The following UBE2T variants were observed in gnomAD, a reference collection of about 807,000 sequenced individuals.
UBE2T encodes the protein ubiquitin conjugating enzyme E2 T.
A neutral mutation model predicts 23.3 loss-of-function variants in UBE2T; 15 were observed. The ratio of observed to expected loss-of-function variants is 0.64; its 90% CI spans 0.43 to 0.99. UBE2T has a LOEUF of 0.99. Among genes scored for constraint, UBE2T ranks in the 50% least tolerant of loss-of-function variants. The pLI, the probability that UBE2T is intolerant of heterozygous loss-of-function variation, is 0.00. For missense variants in UBE2T, 197 were observed against 234.9 expected, an observed-to-expected ratio of 0.84 and a Z score of 1.05; for synonymous variants, 67 against 78.4, an observed-to-expected ratio of 0.85 and a Z score of 0.77.
At chr1:202,333,402 A>G in intron 4 of UBE2T, 48 bp downstream of exon 4, 1 of 1,613,222 alleles carries the variant, frequency 6.2e-7, no homozygotes. Flanking sequence ...AGTTTAATAG[A>G]TGAAGAAAAC....
intron 1 of UBE2T, 95 bp downstream of exon 1, chr1:202,341,800 T>A (rs1655013529): frequency 1.3e-5 from 2 of 152,152 alleles, no homozygotes; most frequent in Non-Finnish European, 2.9e-5. Flanking sequence ...AACTCCCATA[T>A]TAGGCGGAAA....
chr1:202,333,417 T>G, intron 4 of UBE2T, 33 bp downstream of exon 4: 1 of 1,613,298 alleles, frequency 6.2e-7, no homozygotes, highest in Non-Finnish European at 8.5e-7. Flanking sequence ...GAAAACAGAA[T>G]GCTGTAGAGT....
At chr1:202,332,358 T>C (rs1654770093) in intron 6 of UBE2T, among the ~76,000 whole-genome samples, 1 of 152,170 alleles carries the variant, frequency 6.6e-6, no homozygotes, top group Admixed American at 6.5e-5. Flanking sequence ...TATAGATTCT[T>C]CTCAGTGTTA....
At chr1:202,332,005 C>A in intron 6 of UBE2T, 45 bp from the exon 7 acceptor site, 1 of 1,594,268 alleles carries the variant, frequency 6.3e-7, no homozygotes, top group Non-Finnish European at 8.5e-7. Context: ...CACACAAATG[C>A]CAGGATGGAG....
At position 202,331,904 on chromosome 1, in the gene UBE2T, G is replaced by A. The variant is rs773313949; in HGVS notation, c.525C>T (p.His175=). ...TGGCCTTCCTTTTCTGTGTTGAGTT[G>A]TGTACTCTGGAGTCACCAGCCTCTG... ...NLPEAGDSRV[H]NSTQKRKASQ... Residue 175 remains histidine (H), a synonymous_variant, in exon 7 of 7, where the codon CAC becomes CAT. Transcript: ENST00000646651. 3.1e-6 allele frequency: 5 copies of A among 1,614,056 alleles called. No individual in the cohort carries two copies. The highest frequency in any genetic ancestry group is 4.2e-6 in the Non-Finnish European group (5 of 1,179,990).
intron 3 of UBE2T, among the ~76,000 whole-genome samples, chr1:202,333,870 T>C (rs1196632069): frequency 1.3e-5 from 2 of 152,096 alleles, no homozygotes; most frequent in Admixed American, 6.5e-5. Flanking sequence ...CTTTGAAAAA[T>C]TTAAGAACTA....
intron 1 of UBE2T, among the ~76,000 whole-genome samples, chr1:202,339,980 C>G (rs10753914): frequency 0.44 from 66,362 of 151,692 alleles, 15,806 homozygotes; most frequent in East Asian, 0.7. Context: ...GAGGCTGAGG[C>G]AGGTGGATCA....
chr1:202,339,077 C>CTTTTTTTTTTTTTTTTTTTTTTTTTTTTT (rs35528865), intron 1 of UBE2T, among the ~76,000 whole-genome samples: 1 of 107,854 alleles, frequency 9.3e-6, no homozygotes, highest in Non-Finnish European at 1.8e-5. Context: ...GTATTGCCTC[C>CTTTTTTTTTTTTTTTTTTTTTTTTTTTTT]TTTTTTTTTT....
chr1:202,338,001 A>C (rs968773095), intron 1 of UBE2T, among the ~76,000 whole-genome samples: 1 of 152,186 alleles, frequency 6.6e-6, no homozygotes, highest in Non-Finnish European at 1.5e-5. Flanking sequence ...GCTATAGATC[A>C]ATTTGGAGAT....
intron 6 of UBE2T, among the ~76,000 whole-genome samples, chr1:202,332,726 G>A (rs1654780413): frequency 1.3e-5 from 2 of 150,238 alleles, no homozygotes; most frequent in African/African-American, 4.9e-5. Flanking sequence ...GGCTAAAACG[G>A]TGAAACCCCG....
chr1:202,333,834 C>T (rs191825566), intron 3 of UBE2T, among the ~76,000 whole-genome samples: 9 of 152,276 alleles, frequency 5.9e-5, no homozygotes, highest in African/African-American at 2.2e-4. Flanking sequence ...AGAACATTCT[C>T]CCATATAAAT....
In UBE2T at chr1:202,335,195, G is replaced by A. The variant is rs542406558; in HGVS notation, c.110-137C>T. 131 of 677,564 alleles carry A rather than the reference G, an allele frequency of 1.9e-4. No individual in the cohort carries two copies. Among genetic ancestry groups the A allele is most frequent in the Non-Finnish European group, 3.0e-4 (121 of 402,454 alleles). The allele number at this position is 677,564 out of a possible 1,614,324, so 42.0% of individuals were successfully genotyped here. A position where few individuals can be genotyped will look rare whatever the true frequency, so the allele number is the denominator to read the frequency against. On this transcript the variant is annotated intron_variant, in intron 2 of 6. Coordinates refer to ENST00000646651, the MANE Select transcript of UBE2T (RefSeq NM_014176.4). This position sits in a 1 kb window ranked among gnomAD's most constrained non-coding sequence, Gnocchi z 4.0. ...TAATTCTCTGCCAGGACTTTAACAA[G>A]TCCTCATGCAACACACCACAATGCT...
In UBE2T at chr1:202,338,074, T is replaced by C. The variant is rs796323336; in HGVS notation, c.-64-2256A>G. Among the ~76,000 whole-genome samples, 5 of 152,332 alleles carry C rather than the reference T, an allele frequency of 3.3e-5. 1 individual carries two copies. Among genetic ancestry groups the C allele is most frequent in the African/African-American group, 1.2e-4 (5 of 41,574 alleles). ...GAACACGCTGTTTCAGTCTTTTTTTTGATGCTTTCCAAAGGTTTTATAATT... is the reference window on the plus strand; with the variant it reads ...GAACACGCTGTTTCAGTCTTTTTTTCGATGCTTTCCAAAGGTTTTATAATT... On this transcript the variant is annotated intron_variant, in intron 1 of 6. Coordinates refer to ENST00000646651, the MANE Select transcript of UBE2T (RefSeq NM_014176.4).
Position 202,338,889 on chromosome 1 carries a change from AAAAAAAG to A in UBE2T, c.-65+2999_-65+3005del, listed in dbSNP as rs1194555331. 4.6e-5 allele frequency among the ~76,000 whole-genome samples: 7 copies of A among 151,978 alleles called. No individual in the cohort carries two copies. The East Asian group carries it at 9.6e-4, about 21-fold the overall frequency. ...ACCCTGTCTAAACAACAGCCAAAAA[AAAAAAAG>A]AAAAAAGAAAGAAAGAAAAGCTGAT... is the stretch of plus-strand genomic sequence containing the variant. On this transcript the variant is annotated intron_variant, in intron 1 of 6. Transcript: ENST00000646651.
intron 1 of UBE2T, among the ~76,000 whole-genome samples, chr1:202,338,436 G>A (rs1006985468): frequency 7.9e-5 from 12 of 152,146 alleles, no homozygotes; most frequent in African/African-American, 2.9e-4. Context: ...AGTGAGGCTG[G>A]TCTCGAACCA....
At position 202,335,774 on chromosome 1, in the gene UBE2T, C is replaced by A. The variant is rs752293445; in HGVS notation, c.-20G>T. 1.2e-5 allele frequency: 20 copies of A among 1,609,812 alleles called. No individual in the cohort carries two copies. In the Middle Eastern group the frequency reaches 2.5e-3, roughly 199 times the overall value. On this transcript the variant is annotated 5_prime_UTR_variant, in exon 2 of 7. Coordinates refer to ENST00000646651, the MANE Select transcript of UBE2T (RefSeq NM_014176.4). The surrounding 1 kb of genome is among the most constrained non-coding windows in gnomAD (Gnocchi z 4.0). ...CTGCATGATCCCCAAGTAGAAGGAA[C>A]CACACACAGTTCACTGCTCCACACT...
chr1:202,335,111 A>T lies in UBE2T; in HGVS notation c.110-53T>A. On this transcript the variant is annotated intron_variant, in intron 2 of 6. Transcript: ENST00000646651. This position sits in a 1 kb window ranked among gnomAD's most constrained non-coding sequence, Gnocchi z 4.0. ...AAAAGGGAATCAGATCATTTGAATT[A>T]CTACCATATGGAGCTAATGAGGTCT... The T allele has an allele frequency of 1.4e-6, 2 of 1,448,244 alleles. No individual in the cohort carries two copies. 89.7% of individuals were successfully genotyped at this position (1,448,244 alleles called of 1,614,324 possible). A position where few individuals can be genotyped will look rare whatever the true frequency, so the allele number is the denominator to read the frequency against.
Position 202,335,813 on chromosome 1 carries a change from G to A in UBE2T, c.-59C>T. 1 of 1,495,832 alleles carries A rather than the reference G, an allele frequency of 6.7e-7. No individual in the cohort carries two copies. Among genetic ancestry groups the A allele is most frequent in the African/African-American group, 1.4e-5 (1 of 72,658 alleles). The allele number at this position is 1,495,832 out of a possible 1,614,324, so 92.7% of individuals were successfully genotyped here. On this transcript the variant is annotated 5_prime_UTR_variant, in exon 2 of 7. Transcript: ENST00000646651. The surrounding 1 kb of genome is among the most constrained non-coding windows in gnomAD (Gnocchi z 4.0). ...CTGCTCCACACTAAGAGCTGCCTGG[G>A]ATGCACTGGAGGAGAAAAGAGGTGA...
At chr1:202,336,293 C>T (rs906571099) in intron 1 of UBE2T, among the ~76,000 whole-genome samples, 7 of 147,230 alleles carry the variant, frequency 4.8e-5, no homozygotes, top group Non-Finnish European at 7.4e-5. Context: ...ACAATCTCAG[C>T]TCACTGCAAT....
Sources: allele counts gnomAD v4.1 joint callset (sites outside exome capture counted in the v4.1 genomes callset), GRCh38; gene constraint gnomAD v4.1.1; non-coding constraint Gnocchi (gnomAD v3.1); transcripts MANE v1.5; gene names NCBI Gene and HGNC (gene_info 2026-07-23, HGNC 2026-07-21).